Variants in MLLT10 observed in about 807,000 individuals in gnomAD.
MLLT10 encodes MLLT10 histone lysine methyltransferase DOT1L cofactor, also known as protein AF-10.
Under a neutral mutation model 129.1 loss-of-function variants are expected in MLLT10, and 30 were observed. That is an observed-to-expected ratio of 0.23 (90% confidence interval 0.17 to 0.32). The LOEUF is 0.32. Ranked by LOEUF, MLLT10 falls within the 10% of genes least tolerant of loss-of-function variation. MLLT10 has a pLI of 1.00. For missense variants in MLLT10, 1,119 were observed against 1,268.3 expected, an observed-to-expected ratio of 0.88 and a Z score of 1.79; for synonymous variants, 490 against 446.4, an observed-to-expected ratio of 1.10 and a Z score of -1.23.
chr10:21,586,443 A>C, intron 4 of MLLT10, 95 bp downstream of exon 4: 1 of 988,544 alleles, frequency 1.0e-6, no homozygotes, highest in South Asian at 1.5e-5. Flanking sequence ...TTATCAAATT[A>C]AACAGCGTTT....
intron 3 of MLLT10, among the ~76,000 whole-genome samples, chr10:21,571,160 TG>T (rs2040158368): frequency 6.6e-6 from 1 of 152,236 alleles, no homozygotes. Context: ...CTTTTGGGTA[TG>T]GGTACTATTC....
chr10:21,591,640 A>C (rs1267639560), intron 4 of MLLT10, among the ~76,000 whole-genome samples: 1 of 152,044 alleles, frequency 6.6e-6, no homozygotes, highest in African/African-American at 2.4e-5. Context: ...TATATACACA[A>C]GTATTTATAT....
rs183988376 is a variant in MLLT10, at chr10:21,681,266, C to T, written c.1622-66C>T. 302 of 1,596,886 alleles carry T rather than the reference C, an allele frequency of 1.9e-4. 1 individual carries two copies. The African/African-American group carries it at 3.5e-3, about 18-fold the overall frequency. On this transcript the variant is annotated intron_variant, in intron 11 of 22. Transcript: ENST00000307729. ...ATTTCCCTCCATTTTTCTGGCCTAT[C>T]TCTTTTTTTACCCTTGAGTCACTGG...
intron 3 of MLLT10, chr10:21,556,714 A>G (rs748334504): frequency 2.5e-6 from 4 of 1,612,400 alleles, no homozygotes; most frequent in African/African-American, 1.3e-5. Flanking sequence ...ATCACTGCGC[A>G]TGTGCATCTC....
chr10:21,655,773 A>C (rs2131334293), intron 9 of MLLT10, among the ~76,000 whole-genome samples: 1 of 152,300 alleles, frequency 6.6e-6, no homozygotes, highest in South Asian at 2.1e-4. Flanking sequence ...TGTGGGAGCA[A>C]AGTAACGTTG....
intron 15 of MLLT10, among the ~76,000 whole-genome samples, chr10:21,727,560 T>C (rs1299660561): frequency 6.6e-6 from 1 of 152,136 alleles, no homozygotes; most frequent in Non-Finnish European, 1.5e-5. Context: ...TAAAAGTGGC[T>C]GAGGGGAGGG....
At chr10:21,629,772 G>T (rs1363422791) in intron 8 of MLLT10, among the ~76,000 whole-genome samples, 1 of 152,150 alleles carries the variant, frequency 6.6e-6, no homozygotes. Flanking sequence ...GATAAAGTGG[G>T]TGTGAGGAAG....
At chr10:21,644,399 A>G (rs945983845) in intron 8 of MLLT10, among the ~76,000 whole-genome samples, 1 of 151,998 alleles carries the variant, frequency 6.6e-6, no homozygotes, top group Admixed American at 6.6e-5. Context: ...TTTAAGGGCT[A>G]TGTATTTTGC....
intron 3 of MLLT10, among the ~76,000 whole-genome samples, chr10:21,576,711 A>G (rs1452146464): frequency 5.4e-5 from 8 of 149,366 alleles, no homozygotes; most frequent in Admixed American, 4.0e-4. Flanking sequence ...GCTCACTGCA[A>G]CCTCCGCTTC....
intron 21 of MLLT10, among the ~76,000 whole-genome samples, chr10:21,737,085 G>A (rs1277395791): frequency 1.1e-4 from 13 of 119,880 alleles, no homozygotes; most frequent in Admixed American, 5.0e-4. Context: ...TTGACCAACC[G>A]GGCGTGCTGG....
intron 3 of MLLT10, among the ~76,000 whole-genome samples, chr10:21,560,255 C>A (rs1194837929): frequency 6.6e-6 from 1 of 152,166 alleles, no homozygotes; most frequent in Admixed American, 6.6e-5. Flanking sequence ...TCTGCCCGGG[C>A]TGGGCCTCCC....
At chr10:21,583,930 C>T (rs746632253) in intron 3 of MLLT10, among the ~76,000 whole-genome samples, 12 of 151,452 alleles carry the variant, frequency 7.9e-5, no homozygotes, top group Admixed American at 1.3e-4. Flanking sequence ...AGTGCAGTGA[C>T]GCGATCTCGG....
chr10:21,697,952 C>T (rs1406819766), intron 13 of MLLT10, among the ~76,000 whole-genome samples: 1 of 151,982 alleles, frequency 6.6e-6, no homozygotes, highest in Non-Finnish European at 1.5e-5. Context: ...AATAATTTAC[C>T]TATTTATGGG....
chr10:21,559,940 C>CT (rs948698992), intron 3 of MLLT10, among the ~76,000 whole-genome samples: 102 of 147,716 alleles, frequency 6.9e-4, no homozygotes, highest in Non-Finnish European at 8.8e-4. Context: ...CTGTTTGAAT[C>CT]TTTTTTTTTT....
intron 9 of MLLT10, among the ~76,000 whole-genome samples, chr10:21,666,341 A>T (rs967722578): frequency 1.3e-5 from 2 of 151,992 alleles, no homozygotes; most frequent in East Asian, 3.9e-4. Flanking sequence ...TATTGTTACT[A>T]CTTTTGCTCT....
At chr10:21,556,800 C>T (rs781190832) in intron 3 of MLLT10, 1 of 1,579,408 alleles carries the variant, frequency 6.3e-7, no homozygotes, top group Non-Finnish European at 8.6e-7. Context: ...GCTTGTCTTA[C>T]TACAGCAGCT....
At chr10:21,716,177 G>A (rs1353405143) in intron 14 of MLLT10, among the ~76,000 whole-genome samples, 1 of 152,192 alleles carries the variant, frequency 6.6e-6, no homozygotes, top group Non-Finnish European at 1.5e-5. Context: ...AGAATTGATA[G>A]GACTCTTAAA....
intron 13 of MLLT10, among the ~76,000 whole-genome samples, chr10:21,709,085 C>A (rs1251895496): frequency 6.6e-6 from 1 of 152,068 alleles, no homozygotes; most frequent in Non-Finnish European, 1.5e-5. Context: ...GCATTTGAAC[C>A]CAGTTTTGTC....
chr10:21,573,022 A>G (rs2040374245), intron 3 of MLLT10, among the ~76,000 whole-genome samples: 2 of 152,182 alleles, frequency 1.3e-5, no homozygotes, highest in African/African-American at 2.4e-5. Context: ...TGTTGGAAAT[A>G]GAATTTTTGT....
Sources: gnomAD v4.1 joint callset for allele counts (sites outside exome capture counted in the v4.1 genomes callset) on GRCh38, gnomAD v4.1.1 for gene constraint, MANE v1.5 for transcripts, NCBI Gene and HGNC (gene_info 2026-07-23, HGNC 2026-07-21) for gene names.